PLXNA2: variants seen among roughly 807,000 people sequenced by gnomAD.
The protein encoded by PLXNA2 is plexin-A2.
A neutral mutation model predicts 193.5 loss-of-function variants in PLXNA2; 91 were observed. The ratio of observed to expected loss-of-function variants is 0.47; its 90% confidence interval spans 0.40 to 0.56. The LOEUF is 0.56. Ranked by LOEUF, PLXNA2 falls within the 20% of genes least tolerant of loss-of-function variation. The pLI is 0.00. For synonymous variants in PLXNA2, 997 were observed against 1,027.3 expected (o/e 0.97, Z 0.56); for missense variants, 1,995 against 2,503.2 (o/e 0.80, Z 4.33).
chr1:208,202,103 T>C (rs926867086), intron 3 of PLXNA2, among the ~76,000 whole-genome samples: 1 of 151,964 alleles, frequency 6.6e-6, no homozygotes, highest in Admixed American at 6.6e-5. Flanking sequence ...CTTGGCCTCC[T>C]GAGTAGCTGG....
At chr1:208,033,249 T>C in intron 28 of PLXNA2, 70 bp downstream of exon 28, 2 of 1,388,116 alleles carry the variant, frequency 1.4e-6, no homozygotes, top group Non-Finnish European at 2.0e-6. Context: ...AGACATCCTT[T>C]CTGTGTTGTG....
At chr1:208,219,231 T>G (rs1671241811) in intron 1 of PLXNA2, among the ~76,000 whole-genome samples, 1 of 152,170 alleles carries the variant, frequency 6.6e-6, no homozygotes, top group Non-Finnish European at 1.5e-5. Context: ...AAGGTGGGGC[T>G]CCTGAGGACA....
chr1:208,150,187 C>G (rs1226450038), intron 3 of PLXNA2, among the ~76,000 whole-genome samples: 1 of 152,178 alleles, frequency 6.6e-6, no homozygotes, highest in Non-Finnish European at 1.5e-5. Context: ...TTCTGCTGCT[C>G]CCACCCTTAC....
intron 1 of PLXNA2, among the ~76,000 whole-genome samples, chr1:208,229,829 A>G (rs1359931638): frequency 6.6e-6 from 1 of 152,360 alleles, no homozygotes; most frequent in African/African-American, 2.4e-5. Context: ...TAAAGTGATG[A>G]ACAGAGTGGG....
In PLXNA2 at chr1:208,194,485, G is replaced by GA. The variant is rs11358576; in HGVS notation, c.1371+15794dup. On this transcript the variant is annotated intron_variant, in intron 3 of 31. Coordinates refer to ENST00000367033, the MANE Select transcript of PLXNA2 (RefSeq NM_025179.4). The stretch of plus-strand genomic sequence containing the variant: ...CAAAAAAAAAAAAAAAAAAAAGAAA[G>GA]AAAAAAAAAACATACATGCAGTATA... Among the ~76,000 whole-genome samples, 736 of 128,780 alleles carry GA rather than the reference G, an allele frequency of 5.7e-3. 8 individuals are homozygous for GA. The highest frequency in any genetic ancestry group is 0.019 in the African/African-American group (666 of 34,298). 84.5% of individuals were successfully genotyped at this position (128,780 alleles called of 152,430 possible).
intron 4 of PLXNA2, among the ~76,000 whole-genome samples, chr1:208,138,929 A>G (rs948324666): frequency 6.6e-6 from 1 of 152,240 alleles, no homozygotes; most frequent in Admixed American, 6.5e-5. Flanking sequence ...CAGGAGGCTG[A>G]GGCAGAAGAA....
At chr1:208,118,519 C>A (rs2102444441) in intron 4 of PLXNA2, among the ~76,000 whole-genome samples, 1 of 152,280 alleles carries the variant, frequency 6.6e-6, no homozygotes, top group East Asian at 1.9e-4. Context: ...GCTTCTGCCT[C>A]CCCCACCCCG....
At chr1:208,200,480 A>G (rs969947954) in intron 3 of PLXNA2, among the ~76,000 whole-genome samples, 2 of 150,962 alleles carry the variant, frequency 1.3e-5, no homozygotes, top group Non-Finnish European at 2.9e-5. Flanking sequence ...CAATTTCCAC[A>G]TCTTCCCTTG....
intron 3 of PLXNA2, among the ~76,000 whole-genome samples, chr1:208,208,992 C>T (rs1408661599): frequency 6.6e-6 from 1 of 152,226 alleles, no homozygotes; most frequent in African/African-American, 2.4e-5. Context: ...CACACAGCAA[C>T]TCCTTCCCTT....
intron 10 of PLXNA2, among the ~76,000 whole-genome samples, chr1:208,083,549 C>T (rs971260007): frequency 2.6e-5 from 4 of 152,096 alleles, no homozygotes; most frequent in South Asian, 2.1e-4. Context: ...ATCTATCAAG[C>T]GCCTGTGACC....
chr1:208,196,788 GT>G (rs1480208758), intron 3 of PLXNA2, among the ~76,000 whole-genome samples: 1 of 152,216 alleles, frequency 6.6e-6, no homozygotes, highest in East Asian at 1.9e-4. Flanking sequence ...TTAATTTTAT[GT>G]GTGTTGTCCC....
At chr1:208,141,034 A>G (rs1668442265) in intron 4 of PLXNA2, among the ~76,000 whole-genome samples, 1 of 152,244 alleles carries the variant, frequency 6.6e-6, no homozygotes, top group Non-Finnish European at 1.5e-5. Flanking sequence ...AGCTGTCTAC[A>G]GATCCACAAA....
intron 8 of PLXNA2, among the ~76,000 whole-genome samples, chr1:208,094,807 A>G (rs975043912): frequency 2.6e-5 from 4 of 152,234 alleles, no homozygotes; most frequent in Admixed American, 6.5e-5. Flanking sequence ...ACTAATGTAG[A>G]GACCAAAGAA....
intron 3 of PLXNA2, among the ~76,000 whole-genome samples, chr1:208,194,160 T>G (rs1293454216): frequency 6.6e-6 from 1 of 151,372 alleles, no homozygotes; most frequent in Non-Finnish European, 1.5e-5. Context: ...ACAGTTCCCC[T>G]GGTATGTTGT....
chr1:208,152,021 G>A (rs1454668159), intron 3 of PLXNA2, among the ~76,000 whole-genome samples: 1 of 152,230 alleles, frequency 6.6e-6, no homozygotes, highest in Admixed American at 6.5e-5. Flanking sequence ...GGAGAAAGGA[G>A]CAAAGGATGG....
rs778867694 is a variant in PLXNA2 at position 208,044,631 on chromosome 1, T to G, written c.3751A>C (p.Ile1251Leu). 5.0e-6 allele frequency: 8 copies of G among 1,613,906 alleles called. 1 individual carries two copies. Among genetic ancestry groups the G allele is most frequent in the Middle Eastern group, 1.6e-4 (1 of 6,062 alleles). Residue 1251 changes from isoleucine (I) to leucine (L), a missense_variant, in exon 20 of 32, where the codon ATC becomes CTC. Transcript: ENST00000367033. This position sits in a 1 kb window ranked among gnomAD's most constrained non-coding sequence, Gnocchi z 4.9. ...SIAAGGSLLL[I>L]IVIIVLIAYK... ...GCAATGAGGACGATGATGACGATGA[T>G]GAGGAGGAGGCTGCCGCCGGCCGCG...
At chr1:208,225,183 A>T (rs1454244260) in intron 1 of PLXNA2, among the ~76,000 whole-genome samples, 1 of 152,214 alleles carries the variant, frequency 6.6e-6, no homozygotes, top group Admixed American at 6.5e-5. Context: ...GATACTAGCA[A>T]GAAAGCGAGG....
Position 208,027,228 on chromosome 1 carries a change from G to T in PLXNA2, c.*15C>A, listed in dbSNP as rs776905574. 1.4e-5 allele frequency: 22 copies of T among 1,605,084 alleles called. No homozygotes were observed. The South Asian group carries it at 2.0e-4, about 14-fold the overall frequency. On this transcript the variant is annotated 3_prime_UTR_variant, in exon 32 of 32. Coordinates refer to ENST00000367033, the MANE Select transcript of PLXNA2 (RefSeq NM_025179.4). ...TGGACAGGTCCCTCTTCCCAGGAAT[G>T]CGAGGCTCCTCCTCTCAGCTCTCAA...
chr1:208,142,444 G>A lies in PLXNA2; in HGVS notation c.1391C>T (p.Pro464Leu), dbSNP rs778762105. The change falls in exon 4 of 32, where the codon CCC becomes CTC. Residue 464 changes from proline (P) to leucine (L), a missense_variant. Pro to Leu is a moderately conservative substitution (Grantham distance 98). Around this residue, in one of 3 missense-constraint regions of PLXNA2, gnomAD observed 702 missense variants for 812.9 expected, o/e 0.86. Transcript: ENST00000367033. The stretch of plus-strand genomic sequence containing the variant: ...CATCTCGTACTGGACCCCACCATGG[G>A]GGGGACCGTCGGCCCGAATCTGTAT... ...KLKKIRADGP[P>L]HGGVQYEMVS... 4.3e-6 allele frequency: 7 copies of A among 1,610,930 alleles called. No individual in the cohort carries two copies. Among genetic ancestry groups the A allele is most frequent in the Admixed American group, 3.4e-5 (2 of 59,238 alleles).
Sources: allele counts gnomAD v4.1 joint callset (sites outside exome capture counted in the v4.1 genomes callset), GRCh38; gene constraint gnomAD v4.1.1; regional missense constraint gnomAD v4.1.1; non-coding constraint Gnocchi (gnomAD v3.1); transcripts MANE v1.5; gene names NCBI Gene and HGNC (gene_info 2026-07-23, HGNC 2026-07-21).